The following IGSF22 variants were observed in gnomAD, a reference collection of about 807,000 sequenced individuals.
IGSF22 encodes immunoglobulin superfamily, member 22.
IGSF22 carries 119 observed loss-of-function variants against 127.0 expected under a neutral mutation model. That is an observed-to-expected ratio of 0.94 (90% CI 0.81 to 1.09). IGSF22 has a LOEUF of 1.09. IGSF22 is among the 50% of genes least tolerant of loss of function. The pLI is 0.00. For synonymous variants in IGSF22, 568 were observed against 664.7 expected (o/e 0.85, Z 2.24); for missense variants, 1,518 against 1,716.6 (o/e 0.88, Z 2.04).
intron 14 of IGSF22, among the ~76,000 whole-genome samples, 174 bp downstream of exon 14, chr11:18,713,678 G>T (rs1172433623): frequency 6.6e-6 from 1 of 152,260 alleles, no homozygotes; most frequent in Non-Finnish European, 1.5e-5. Context: ...ACTCGGCCAA[G>T]AACTGGCTGG....
Position 18,720,206 on chromosome 11 carries a change from A to G in IGSF22, c.458T>C (p.Val153Ala). Reference protein sequence around the residue: ...SNDHADAIYTVSLLVTEGQEK... With the variant: ...SNDHADAIYTASLLVTEGQEK... ...CTCACCTTCTGTTACCAGCAGAGAT[A>G]CGGTATAGATGGCATCTGCATGGTC... The change falls in exon 5 of 23, where the codon GTA becomes GCA. Residue 153 changes from valine to alanine, a missense_variant. This residue lies in a region of IGSF22 where 1,456 missense variants were observed against 1,644.9 expected (regional missense o/e 0.89). Coordinates refer to ENST00000513874, the MANE Select transcript of IGSF22 (RefSeq NM_173588.4). 2 of 1,614,172 alleles carry G rather than the reference A, an allele frequency of 1.2e-6. No individual in the cohort carries two copies. Among genetic ancestry groups the G allele is most frequent in the Non-Finnish European group, 1.7e-6 (2 of 1,179,996 alleles).
intron 7 of IGSF22, among the ~76,000 whole-genome samples, chr11:18,719,302 A>G (rs1158253076): frequency 7.7e-6 from 1 of 130,700 alleles, no homozygotes; most frequent in Non-Finnish European, 1.6e-5. Flanking sequence ...GTGCCACCAC[A>G]CCCAGCGGTT....
In IGSF22 at chr11:18,706,930, G is replaced by A. The variant is rs1012553529; in HGVS notation, c.3564C>T (p.Leu1188=). ...CAGACTCACTCTGGTCCTTATTGATGAGCCAGGTGTCCCTGGAGTCAAGTG... is the reference window on the plus strand; with the variant it reads ...CAGACTCACTCTGGTCCTTATTGATAAGCCAGGTGTCCCTGGAGTCAAGTG... ...SEPLDSRDTW[L]INKDQIQDLS... is the part of the protein sequence containing the mutation. The change falls in exon 21 of 23, where the codon CTC becomes CTT. Residue 1188 remains leucine, a synonymous_variant. Coordinates refer to ENST00000513874, the MANE Select transcript of IGSF22 (RefSeq NM_173588.4). The A allele has an allele frequency of 1.1e-5, 16 of 1,511,158 alleles. No homozygotes were observed. Among genetic ancestry groups the A allele is most frequent in the African/African-American group, 1.4e-5 (1 of 72,590 alleles). 93.6% of individuals were successfully genotyped at this position (1,511,158 alleles called of 1,614,324 possible). A position where few individuals can be genotyped will look rare whatever the true frequency, so the allele number is the denominator to read the frequency against.
At chr11:18,725,602 G>C (rs548917546) in intron 1 of IGSF22, among the ~76,000 whole-genome samples, 1 of 151,956 alleles carries the variant, frequency 6.6e-6, no homozygotes, top group East Asian at 1.9e-4. Flanking sequence ...CATCACACCC[G>C]GCTAATTTTT....
chr11:18,710,083 C>T (rs967156410), intron 17 of IGSF22, among the ~76,000 whole-genome samples: 3 of 152,116 alleles, frequency 2.0e-5, no homozygotes, highest in Non-Finnish European at 4.4e-5. Context: ...CCTACCTCAC[C>T]TAACTAGAAA....
In IGSF22 at chr11:18,704,481, T is replaced by A. The variant is rs1297166091; in HGVS notation, c.3968A>T (p.Lys1323Met). Reference sequence around the variant, plus strand: ...CTTGGCTGGAGCTCACATGAGGTGCTTTGATTTCTTCTGCAGACTCTCGGT... The same window carrying A: ...CTTGGCTGGAGCTCACATGAGGTGCATTGATTTCTTCTGCAGACTCTCGGT... ...SITESLQKKS[K>M]HLM Residue 1323 changes from lysine to methionine, a missense_variant, in exon 23 of 23, where the codon AAG becomes ATG. Physicochemically the swap from Lys to Met is moderately conservative, Grantham distance 95. Around this residue, in one of 3 missense-constraint regions of IGSF22, gnomAD observed 58 missense variants for 53.0 expected, o/e 1.10. Transcript: ENST00000513874. 6.4e-7 allele frequency: 1 copy of A among 1,550,660 alleles called. No homozygotes were observed. The highest frequency in any genetic ancestry group is 1.7e-4 in the Middle Eastern group (1 of 5,992).
intron 1 of IGSF22, among the ~76,000 whole-genome samples, chr11:18,725,547 TCTC>T (rs1182539311): frequency 6.6e-6 from 1 of 152,130 alleles, no homozygotes; most frequent in African/African-American, 2.4e-5. Context: ...TTCAAGCAAT[TCTC>T]CTGCCTCAGG....
In IGSF22 at chr11:18,714,345, G is replaced by A. The variant is rs1178125951; in HGVS notation, c.1730C>T (p.Pro577Leu). The stretch of plus-strand genomic sequence containing the variant: ...GAATGTGTACTTGCCCTCGTGCTCA[G>A]GGCCCATACTGGGAAAGATGAGCTT... ...VHKLIFPSMG[P>L]EHEGKYTFRA... The change falls in exon 13 of 23, where the codon CCT (proline) becomes CTT (leucine). Residue 577 changes from proline to leucine, a missense_variant. Around this residue, in one of 3 missense-constraint regions of IGSF22, gnomAD observed 1,456 missense variants for 1,644.9 expected, o/e 0.89. Coordinates refer to ENST00000513874, the MANE Select transcript of IGSF22 (RefSeq NM_173588.4). The A allele has an allele frequency of 6.2e-7, 1 of 1,614,226 alleles. No individual in the cohort carries two copies. Among genetic ancestry groups the A allele is most frequent in the East Asian group, 2.2e-5 (1 of 44,880 alleles).
chr11:18,716,908 G>T lies in IGSF22; in HGVS notation c.1066C>A (p.Pro356Thr), dbSNP rs765422122. The T allele has an allele frequency of 9.3e-6, 15 of 1,614,182 alleles. No individual in the cohort carries two copies. Among genetic ancestry groups the T allele is most frequent in the Non-Finnish European group, 1.3e-5 (15 of 1,180,024 alleles). ...CCATTGAACTTCCACACAAAGTTGG[G>T]CTCTTTCTTGGAGAGGCGGATCTCA... is the stretch of plus-strand genomic sequence containing the variant. The part of the protein sequence containing the change: ...VFEIRLSKKE[P>T]NFVWKFNGKE... The change falls in exon 10 of 23, where the codon CCC (proline) becomes ACC (threonine). Residue 356 changes from proline (P) to threonine (T), a missense_variant. Physicochemically the swap from Pro to Thr is conservative, Grantham distance 38 (BLOSUM62 -1). Around this residue, in one of 3 missense-constraint regions of IGSF22, gnomAD observed 1,456 missense variants for 1,644.9 expected, o/e 0.89. Transcript: ENST00000513874. The surrounding 1 kb of genome is among the most constrained non-coding windows in gnomAD (Gnocchi z 4.5).
chr11:18,706,540 C>T (rs906522125), intron 21 of IGSF22: 6 of 351,902 alleles, frequency 1.7e-5, no homozygotes, highest in Admixed American at 8.9e-5. Flanking sequence ...AGTTTCCCGA[C>T]GCGGCCCCCA....
chr11:18,716,262 C>T lies in IGSF22; in HGVS notation c.1246+466G>A, dbSNP rs939672495. ...TGCCTTTTCTTTGGTCTTCTACAGC[C>T]CTTGTGTCTCCCTCCATCACAGCAA... On this transcript the variant is annotated intron_variant, in intron 10 of 22. Coordinates refer to ENST00000513874, the MANE Select transcript of IGSF22 (RefSeq NM_173588.4). The surrounding 1 kb of genome is among the most constrained non-coding windows in gnomAD (Gnocchi z 4.5). Among the ~76,000 whole-genome samples the T allele has an allele frequency of 1.3e-5, 2 of 152,122 alleles. No individual in the cohort carries two copies. The highest frequency in any genetic ancestry group is 4.8e-5 in the African/African-American group (2 of 41,410).
intron 4 of IGSF22, among the ~76,000 whole-genome samples, chr11:18,720,571 G>A (rs1053229697): frequency 1.3e-5 from 2 of 152,204 alleles, no homozygotes; most frequent in African/African-American, 4.8e-5. Flanking sequence ...CCCCTGCCTT[G>A]TAACTCTATC....
chr11:18,724,298 C>T (rs1848618787), intron 1 of IGSF22, 29 bp from the exon 2 acceptor site: 1 of 1,175,192 alleles, frequency 8.5e-7, no homozygotes, highest in African/African-American at 1.5e-5. Context: ...CCATGAAGGA[C>T]AAGACAGGGA....
Position 18,713,724 on chromosome 11 carries a change from C to T in IGSF22, c.2095+128G>A, listed in dbSNP as rs1044262175. The T allele has an allele frequency of 6.6e-6, 5 of 762,618 alleles. No individual in the cohort carries two copies. The African/African-American group carries it at 7.1e-5, about 11-fold the overall frequency. 47.2% of individuals were successfully genotyped at this position (762,618 alleles called of 1,614,324 possible). A position where few individuals can be genotyped will look rare whatever the true frequency, so the allele number is the denominator to read the frequency against. On this transcript the variant is annotated intron_variant, in intron 14 of 22. Transcript: ENST00000513874. ...AGCGGGCTTCTGGCTGCAAAGCCAG[C>T]CTTCTAGGCCCATTCCCAGCCCAAA...
chr11:18,717,889 C>A, intron 9 of IGSF22, 42 bp downstream of exon 9: 1 of 1,596,806 alleles, frequency 6.3e-7, no homozygotes, highest in Non-Finnish European at 8.6e-7. Context: ...CTCTTCCAAC[C>A]CGACATGTCC....
chr11:18,710,379 G>A lies in IGSF22; in HGVS notation c.2649C>T (p.Gly883=). The A allele has an allele frequency of 6.2e-7, 1 of 1,614,208 alleles. No individual in the cohort carries two copies. Among genetic ancestry groups the A allele is most frequent in the Non-Finnish European group, 8.5e-7 (1 of 1,180,032 alleles). ...TGGATGGCACACTGGGCTGTCCAGG[G>A]CCTGCCTTATTTACAGCTATAACTC... ...EFRVIAVNKA[G]PGQPSVPSSS... is the part of the protein sequence containing the mutation. Residue 883 remains glycine, a synonymous_variant, in exon 17 of 23, where the codon GGC becomes GGT. Transcript: ENST00000513874.
In IGSF22 at chr11:18,716,224, T is replaced by C. The variant is rs2134165034; in HGVS notation, c.1246+504A>G. 6.6e-6 allele frequency among the ~76,000 whole-genome samples: 1 copy of C among 152,336 alleles called. No homozygotes were observed. Among genetic ancestry groups the C allele is most frequent in the Middle Eastern group, 3.4e-3 (1 of 294 alleles). ...CATCATTTCATTATATCATTTCTGA[T>C]GTTGCCAGGTGATGCCTTTTCTTTG... On this transcript the variant is annotated intron_variant, in intron 10 of 22. Transcript: ENST00000513874. This position sits in a 1 kb window ranked among gnomAD's most constrained non-coding sequence, Gnocchi z 4.5.
intron 22 of IGSF22, 79 bp downstream of exon 22, chr11:18,705,716 GATTAAAAAACGGTGCCAGCCAA>G (rs1848211577): frequency 9.8e-7 from 1 of 1,020,576 alleles, no homozygotes; most frequent in Non-Finnish European, 1.4e-6. Context: ...TTGGCAGTCA[GATTAAAAAACGGTGCCAGCCAA>G]ATAGTTGACC....
Position 18,716,729 on chromosome 11 carries a change from G to A in IGSF22, c.1245C>T (p.Asp415=). 2.5e-6 allele frequency: 4 copies of A among 1,613,458 alleles called. No individual in the cohort carries two copies. In the South Asian group the frequency reaches 4.4e-5, roughly 18 times the overall value. Residue 415 remains aspartate, a splice_region_variant and synonymous_variant, in exon 10 of 23, where the codon GAC becomes GAT. Transcript: ENST00000513874. The surrounding 1 kb of genome is among the most constrained non-coding windows in gnomAD (Gnocchi z 4.5). ...NLVQKAQLTV[D]RIPIKFVSNL... ...TTAGGCTCTTGCCCAACCACTCACGGTCAACAGTGAGCTGGGCCTTTTGTA... is the reference window on the plus strand; with the variant it reads ...TTAGGCTCTTGCCCAACCACTCACGATCAACAGTGAGCTGGGCCTTTTGTA...
Sources: gnomAD v4.1 joint callset for allele counts (sites outside exome capture counted in the v4.1 genomes callset) on GRCh38, gnomAD v4.1.1 for gene constraint, gnomAD v4.1.1 regional missense constraint, Gnocchi (gnomAD v3.1) non-coding constraint, MANE v1.5 for transcripts, NCBI Gene and HGNC (gene_info 2026-07-23, HGNC 2026-07-21) for gene names.